The following TCF12 variants were observed in gnomAD, a reference collection of about 807,000 sequenced individuals.
TCF12 encodes DNA-binding protein HTF4.
A neutral mutation model predicts 86.0 loss-of-function variants in TCF12; 45 were observed. The ratio of observed to expected loss-of-function variants is 0.52; its 90% CI spans 0.41 to 0.67. The LOEUF (loss-of-function observed/expected upper bound fraction) is 0.67, where lower values mean the gene tolerates loss of function less well. Ranked by LOEUF, TCF12 falls within the 30% of genes least tolerant of loss-of-function variation. The probability of loss-of-function intolerance (pLI) is 0.00; values close to 1 mark genes in which losing one functional copy is unlikely to be tolerated. For synonymous variants in TCF12, 330 were observed against 299.6 expected, an observed-to-expected ratio of 1.10 and a Z score of -1.05; for missense variants, 881 against 859.9, an observed-to-expected ratio of 1.02 and a Z score of -0.31.
chr15:57,102,412 A>C (rs11635645), intron 5 of TCF12, among the ~76,000 whole-genome samples: 73,526 of 151,848 alleles, frequency 0.48, 19,213 homozygotes, highest in Admixed American at 0.58. Context: ...AGTTTGGCCA[A>C]CATGGCAAAG....
At chr15:56,987,885 A>C (rs2063270616) in intron 3 of TCF12, among the ~76,000 whole-genome samples, 1 of 152,138 alleles carries the variant, frequency 6.6e-6, no homozygotes, top group Admixed American at 6.5e-5. Flanking sequence ...TATAGGAAAG[A>C]CTCATTTTTG....
intron 5 of TCF12, among the ~76,000 whole-genome samples, chr15:57,104,016 A>G (rs1596542278): frequency 6.6e-6 from 1 of 152,158 alleles, no homozygotes; most frequent in Non-Finnish European, 1.5e-5. Flanking sequence ...TCAAAAACAA[A>G]CAAACAAAAA....
intron 6 of TCF12, among the ~76,000 whole-genome samples, chr15:57,184,693 C>T (rs933929322): frequency 2.6e-5 from 4 of 151,960 alleles, no homozygotes; most frequent in African/African-American, 4.8e-5. Flanking sequence ...TAGTGTACTA[C>T]GAGCCATATT....
At chr15:57,242,672 A>G (rs1288296837) in intron 12 of TCF12, among the ~76,000 whole-genome samples, 23 of 152,360 alleles carry the variant, frequency 1.5e-4, no homozygotes, top group Admixed American at 1.4e-3. Flanking sequence ...CATCTCAAAA[A>G]AAGTGTTCAC....
chr15:57,143,175 A>G (rs77134391), intron 5 of TCF12, among the ~76,000 whole-genome samples: 1 of 151,870 alleles, frequency 6.6e-6, no homozygotes, highest in African/African-American at 2.4e-5. Flanking sequence ...AAAAAAAAAA[A>G]AAGAAGTAAA....
chr15:57,067,031 T>G (rs897271894), intron 4 of TCF12, among the ~76,000 whole-genome samples: 7 of 152,216 alleles, frequency 4.6e-5, no homozygotes, highest in African/African-American at 1.7e-4. Flanking sequence ...AAACTTCTTA[T>G]CTCTGTGTTA....
chr15:57,246,863 A>C (rs1195561962), intron 13 of TCF12: 1 of 396,884 alleles, frequency 2.5e-6, no homozygotes, highest in Non-Finnish European at 4.9e-6. Context: ...AGTTCCTCTA[A>C]TGCCTTTCGG....
intron 6 of TCF12, among the ~76,000 whole-genome samples, chr15:57,186,227 AGT>A: frequency 1.3e-5 from 2 of 152,368 alleles, no homozygotes; most frequent in East Asian, 3.9e-4. Flanking sequence ...GGCAGGACCC[AGT>A]GGCTCATGCC....
intron 3 of TCF12, among the ~76,000 whole-genome samples, chr15:56,984,994 A>G (rs1286322631): frequency 6.6e-6 from 1 of 152,186 alleles, no homozygotes; most frequent in Non-Finnish European, 1.5e-5. Context: ...TTTCTACTCA[A>G]TTATAGCAAC....
intron 3 of TCF12, among the ~76,000 whole-genome samples, chr15:57,031,210 C>G (rs1457656797): frequency 2.0e-5 from 3 of 152,134 alleles, no homozygotes; most frequent in Non-Finnish European, 2.9e-5. Context: ...TGGGCTACTC[C>G]TGTTTTCAGA....
upstream of TCF12, chr15:56,918,299 T>C: frequency 2.2e-6 from 1 of 454,842 alleles, no homozygotes; most frequent in South Asian, 1.6e-5. Context: ...CAGCTGTGTC[T>C]CCGTCGCTCC....
intron 6 of TCF12, among the ~76,000 whole-genome samples, chr15:57,182,089 C>G (rs1004971441): frequency 2.6e-5 from 4 of 152,102 alleles, no homozygotes; most frequent in Admixed American, 6.5e-5. Context: ...ACTGCTTTGC[C>G]TAGTTCTATA....
In TCF12 at chr15:56,923,040, C is replaced by A. The variant is rs2059860161; in HGVS notation, c.148+1942C>A. On this transcript the variant is annotated intron_variant, in intron 3 of 20. Coordinates refer to ENST00000333725, the MANE Select transcript of TCF12 (RefSeq NM_207037.2). ...ATTAAGGAGCTAAAGATCTGACTTT[C>A]CTTTTGAAGAGCTGCTGTAGTAAAG... 1.3e-5 allele frequency among the ~76,000 whole-genome samples: 2 copies of A among 151,888 alleles called. 1 individual carries two copies. Among genetic ancestry groups the A allele is most frequent in the South Asian group, 4.1e-4 (2 of 4,824 alleles).
At chr15:57,096,754 A>G (rs1400289885) in intron 5 of TCF12, among the ~76,000 whole-genome samples, 4 of 152,176 alleles carry the variant, frequency 2.6e-5, no homozygotes, top group African/African-American at 7.2e-5. Flanking sequence ...TGGTTGATTG[A>G]TTTCACAGAT....
chr15:57,267,189 G>T (rs7180558), intron 18 of TCF12, among the ~76,000 whole-genome samples: 53,065 of 152,012 alleles, frequency 0.35, 11,451 homozygotes, highest in African/African-American at 0.6. Flanking sequence ...GGTGCAATGA[G>T]GATGGTAGAT....
intron 8 of TCF12, among the ~76,000 whole-genome samples, chr15:57,218,022 G>T (rs978401479): frequency 6.6e-6 from 1 of 152,044 alleles, no homozygotes; most frequent in Non-Finnish European, 1.5e-5. Context: ...TTTTATTGTT[G>T]TTCCAATACT....
At chr15:57,115,296 C>G (rs2050763624) in intron 5 of TCF12, among the ~76,000 whole-genome samples, 1 of 152,060 alleles carries the variant, frequency 6.6e-6, no homozygotes, top group African/African-American at 2.4e-5. Flanking sequence ...AACTAATAAA[C>G]AAAACATAAG....
intron 3 of TCF12, among the ~76,000 whole-genome samples, chr15:57,037,492 G>T (rs1351370702): frequency 6.6e-6 from 1 of 152,190 alleles, no homozygotes; most frequent in Non-Finnish European, 1.5e-5. Flanking sequence ...GTAGGATGAA[G>T]TAAGTGCACA....
chr15:56,958,134 T>A (rs911724131), intron 3 of TCF12, among the ~76,000 whole-genome samples: 1 of 152,198 alleles, frequency 6.6e-6, no homozygotes, highest in African/African-American at 2.4e-5. Context: ...CAAGTTGAAC[T>A]TTTTGCAGGA....
Sources: allele counts gnomAD v4.1 joint callset (sites outside exome capture counted in the v4.1 genomes callset), GRCh38; gene constraint gnomAD v4.1.1; transcripts MANE v1.5; gene names NCBI Gene and HGNC (gene_info 2026-07-23, HGNC 2026-07-21).